Variants in ADAMTS14 observed in about 807,000 individuals in gnomAD.
ADAMTS14 encodes the protein ADAM metallopeptidase with thrombospondin type 1 motif 14.
In ADAMTS14, 100 loss-of-function variants were observed where a neutral mutation model predicts 128.6. That is an observed-to-expected ratio of 0.78 (90% CI 0.66 to 0.92). The LOEUF (loss-of-function observed/expected upper bound fraction) is 0.92. Among genes scored for constraint, ADAMTS14 ranks in the 40% least tolerant of loss-of-function variants. The pLI, the probability that ADAMTS14 is intolerant of heterozygous loss-of-function variation, is 0.00. For missense variants in ADAMTS14, 1,562 were observed against 1,658.6 expected (o/e 0.94, Z 1.01); for synonymous variants, 665 against 653.8 (o/e 1.02, Z -0.26).
chr10:70,673,517 G>A (rs1036062079), intron 1 of ADAMTS14, among the ~76,000 whole-genome samples: 1 of 152,102 alleles, frequency 6.6e-6, no homozygotes, highest in Non-Finnish European at 1.5e-5. Context: ...AGGAGTCACC[G>A]GTCATTTCCA....
At chr10:70,699,133 A>G (rs1282543411) in intron 2 of ADAMTS14, among the ~76,000 whole-genome samples, 1 of 152,120 alleles carries the variant, frequency 6.6e-6, no homozygotes, top group Non-Finnish European at 1.5e-5. Flanking sequence ...TCTTGCTCCA[A>G]GTGGCTCCTG....
intron 12 of ADAMTS14, 131 bp downstream of exon 12, chr10:70,741,293 C>A (rs918853785): frequency 9.0e-7 from 1 of 1,114,146 alleles, no homozygotes; most frequent in Non-Finnish European, 1.3e-6. Flanking sequence ...CCAAAAGGGA[C>A]ACTGAAGTCA....
At chr10:70,673,597 G>A (rs1839551834) in intron 1 of ADAMTS14, among the ~76,000 whole-genome samples, 2 of 152,162 alleles carry the variant, frequency 1.3e-5, no homozygotes, top group Admixed American at 1.3e-4. Flanking sequence ...AGCAGTCTTA[G>A]GGGTCCTCTG....
intron 19 of ADAMTS14, among the ~76,000 whole-genome samples, 194 bp downstream of exon 19, chr10:70,754,201 C>A (rs4746065): frequency 0.2 from 31,034 of 152,214 alleles, 3,794 homozygotes; most frequent in East Asian, 0.55. Context: ...TTCATTCATT[C>A]CTGCCAGTAA....
At chr10:70,700,791 G>A (rs1005666735) in intron 2 of ADAMTS14, among the ~76,000 whole-genome samples, 4 of 152,188 alleles carry the variant, frequency 2.6e-5, no homozygotes, top group Non-Finnish European at 5.9e-5. Context: ...GGCAGCCCTC[G>A]GCTCTTGGGC....
intron 2 of ADAMTS14, among the ~76,000 whole-genome samples, chr10:70,689,870 C>T (rs2132561946): frequency 1.4e-5 from 2 of 145,330 alleles, no homozygotes; most frequent in South Asian, 4.4e-4. Flanking sequence ...CCTCAGACCC[C>T]TCAGGCTTTC....
intron 4 of ADAMTS14, among the ~76,000 whole-genome samples, chr10:70,714,895 G>A (rs538431245): frequency 8.3e-5 from 12 of 145,072 alleles, no homozygotes; most frequent in Non-Finnish European, 1.3e-4. Context: ...GCAGTGAGCC[G>A]AGATCGGGCC....
At chr10:70,749,065 G>A (rs1257908843) in intron 15 of ADAMTS14, among the ~76,000 whole-genome samples, 2 of 152,184 alleles carry the variant, frequency 1.3e-5, no homozygotes, top group African/African-American at 4.8e-5. Flanking sequence ...CTCTGTTCCA[G>A]GCCCTGTGCT....
At chr10:70,716,279 G>T (rs1841039880) in intron 4 of ADAMTS14, among the ~76,000 whole-genome samples, 1 of 152,228 alleles carries the variant, frequency 6.6e-6, no homozygotes, top group Non-Finnish European at 1.5e-5. Flanking sequence ...GGAACAGAAA[G>T]GGCCTGCGAT....
At chr10:70,710,131 C>T (rs1050720721) in intron 4 of ADAMTS14, among the ~76,000 whole-genome samples, 3 of 152,210 alleles carry the variant, frequency 2.0e-5, no homozygotes, top group African/African-American at 4.8e-5. Context: ...TTGGGATAGA[C>T]CCCAGCTCAG....
At chr10:70,714,566 A>G (rs1193678412) in intron 4 of ADAMTS14, among the ~76,000 whole-genome samples, 1 of 152,168 alleles carries the variant, frequency 6.6e-6, no homozygotes, top group Non-Finnish European at 1.5e-5. Flanking sequence ...TTAAACTGAA[A>G]GAGATGGACT....
chr10:70,717,534 AG>A (rs943001330), intron 4 of ADAMTS14, among the ~76,000 whole-genome samples: 2 of 152,138 alleles, frequency 1.3e-5, no homozygotes, highest in African/African-American at 4.8e-5. Context: ...AAGAGGCATG[AG>A]AACAGCTCCC....
chr10:70,709,721 G>C (rs998424025), intron 4 of ADAMTS14, among the ~76,000 whole-genome samples: 6 of 152,002 alleles, frequency 3.9e-5, no homozygotes, highest in Non-Finnish European at 7.4e-5. Flanking sequence ...AGGATGGTCT[G>C]GATCTCCTGA....
rs369203927 is a variant in ADAMTS14 at position 70,760,409 on chromosome 10, C to G, written c.3228C>G (p.Leu1076=). The change falls in exon 22 of 22, where the codon CTC becomes CTG. Residue 1076 remains leucine (L), a synonymous_variant. Transcript: ENST00000373207. ...DRSVFCQMEV[L]DRYCSIPGYH... ...CTGTCTTCTGCCAGATGGAAGTGCT[C>G]GATCGCTACTGCTCCATTCCCGGCT... 1.2e-6 allele frequency: 2 copies of G among 1,607,510 alleles called. No individual in the cohort carries two copies. Among genetic ancestry groups the G allele is most frequent in the Admixed American group, 3.4e-5 (2 of 59,462 alleles).
intron 15 of ADAMTS14, among the ~76,000 whole-genome samples, chr10:70,748,359 A>G (rs1343950835): frequency 2.0e-5 from 3 of 152,172 alleles, no homozygotes; most frequent in African/African-American, 7.2e-5. Context: ...TGGAGGCTGC[A>G]CCTGGCCTGA....
intron 4 of ADAMTS14, among the ~76,000 whole-genome samples, chr10:70,721,542 C>T (rs536901887): frequency 1.7e-3 from 262 of 151,936 alleles, no homozygotes; most frequent in African/African-American, 6.0e-3. Flanking sequence ...CCCGCCACCA[C>T]GCCTGGCTAA....
In ADAMTS14 at chr10:70,708,580, G is replaced by C. The variant is rs375850716; in HGVS notation, c.680-8G>C. 324 of 1,597,066 alleles carry C rather than the reference G, an allele frequency of 2.0e-4. No homozygotes were observed. Among genetic ancestry groups the C allele is most frequent in the Non-Finnish European group, 2.7e-4 (319 of 1,167,228 alleles). On this transcript the variant is annotated splice_polypyrimidine_tract_variant and splice_region_variant and intron_variant, in intron 3 of 21. Transcript: ENST00000373207. ...TTGGACCTCACTCTCTTCCTGTCTT[G>C]GTTCCAGCCTTTGGCCTGGGAGACC... is the stretch of plus-strand genomic sequence containing the variant.
At chr10:70,710,097 G>A (rs369022053) in intron 4 of ADAMTS14, among the ~76,000 whole-genome samples, 2 of 152,222 alleles carry the variant, frequency 1.3e-5, no homozygotes, top group African/African-American at 4.8e-5. Context: ...CCTATGAAGT[G>A]TAGTACCGGA....
chr10:70,760,292 G>T (rs1842574853), intron 21 of ADAMTS14, 68 bp from the exon 22 acceptor site: 1 of 1,495,858 alleles, frequency 6.7e-7, no homozygotes, highest in African/African-American at 1.4e-5. Context: ...GTAAGTGGGA[G>T]GGGGGGCCAC....
Sources: gnomAD v4.1 joint callset for allele counts (sites outside exome capture counted in the v4.1 genomes callset) on GRCh38, gnomAD v4.1.1 for gene constraint, MANE v1.5 for transcripts, NCBI Gene and HGNC (gene_info 2026-07-23, HGNC 2026-07-21) for gene names.